Variants in GUCY1A2 observed in about 807,000 individuals in gnomAD.
GUCY1A2 encodes the protein guanylate cyclase soluble subunit alpha-2.
A neutral mutation model predicts 63.5 loss-of-function variants in GUCY1A2; 27 were observed. The observed-to-expected ratio is 0.43, with a 90% confidence interval of 0.31 to 0.59. GUCY1A2 has a LOEUF of 0.59. Among genes scored for constraint, GUCY1A2 ranks in the 20% least tolerant of loss-of-function variants. The probability of loss-of-function intolerance (pLI) is 0.11; values close to 1 mark genes in which losing one functional copy is unlikely to be tolerated. For synonymous variants in GUCY1A2, 364 were observed against 343.5 expected, an observed-to-expected ratio of 1.06 and a Z score of -0.66; for missense variants, 768 against 913.3, an observed-to-expected ratio of 0.84 and a Z score of 2.05.
At chr11:106,957,842 G>C (rs1178956412) in intron 3 of GUCY1A2, among the ~76,000 whole-genome samples, 1 of 129,778 alleles carries the variant, frequency 7.7e-6, no homozygotes, top group Non-Finnish European at 1.6e-5. Context: ...TCCAGTCTGA[G>C]CAAAGGGACA....
chr11:106,978,277 T>C (rs1861289006), intron 3 of GUCY1A2, among the ~76,000 whole-genome samples: 1 of 152,072 alleles, frequency 6.6e-6, no homozygotes, highest in Non-Finnish European at 1.5e-5. Flanking sequence ...TAATAGAGTA[T>C]GACTGAGAGG....
intron 4 of GUCY1A2, among the ~76,000 whole-genome samples, chr11:106,868,306 A>G (rs995519736): frequency 1.3e-5 from 2 of 152,126 alleles, no homozygotes; most frequent in African/African-American, 4.8e-5. Context: ...GGCAAAGAGG[A>G]AGTCAAATTG....
At chr11:106,726,612 A>AAGTGGT (rs1467715309) in intron 6 of GUCY1A2, among the ~76,000 whole-genome samples, 1 of 152,136 alleles carries the variant, frequency 6.6e-6, no homozygotes, top group Non-Finnish European at 1.5e-5. Flanking sequence ...AGTGACATTT[A>AAGTGGT]AGTGGTAATG....
At chr11:106,729,007 CA>C (rs1247948637) in intron 6 of GUCY1A2, among the ~76,000 whole-genome samples, 1 of 152,004 alleles carries the variant, frequency 6.6e-6, no homozygotes, top group African/African-American at 2.4e-5. Flanking sequence ...ATTCATTCAC[CA>C]AATATTTGTT....
chr11:106,807,832 CT>C (rs2135422884), intron 5 of GUCY1A2, among the ~76,000 whole-genome samples: 1 of 152,288 alleles, frequency 6.6e-6, no homozygotes, highest in East Asian at 1.9e-4. Context: ...TGGCCTTCAT[CT>C]TTCTTTTGTG....
At chr11:106,730,059 AATATATATATATATAT>A (rs60486225) in intron 6 of GUCY1A2, among the ~76,000 whole-genome samples, 28 of 103,356 alleles carry the variant, frequency 2.7e-4, no homozygotes, top group East Asian at 5.1e-4. Flanking sequence ...ATCAGCATGG[AATATATATATATATAT>A]ATATATATAT....
At chr11:106,940,294 T>C (rs367615414) in intron 3 of GUCY1A2, 116 bp from the exon 4 acceptor site, 11 of 571,190 alleles carry the variant, frequency 1.9e-5, no homozygotes, top group East Asian at 1.4e-4. Flanking sequence ...AGGTTATTTC[T>C]CTTAGATCCA....
chr11:106,811,064 G>C (rs550060508), intron 4 of GUCY1A2, among the ~76,000 whole-genome samples: 1 of 151,950 alleles, frequency 6.6e-6, no homozygotes, highest in East Asian at 1.9e-4. Flanking sequence ...TATTAAGCTA[G>C]CATTATCAGA....
intron 4 of GUCY1A2, among the ~76,000 whole-genome samples, chr11:106,904,797 T>C (rs1011097744): frequency 6.6e-6 from 1 of 151,872 alleles, no homozygotes; most frequent in Non-Finnish European, 1.5e-5. Flanking sequence ...AAACATCAGA[T>C]TGCTATGACA....
intron 6 of GUCY1A2, among the ~76,000 whole-genome samples, chr11:106,742,370 G>A (rs1040858724): frequency 1.3e-5 from 2 of 152,064 alleles, no homozygotes; most frequent in African/African-American, 4.8e-5. Context: ...GCCCCACTGT[G>A]GGTTGTTCCC....
intron 5 of GUCY1A2, among the ~76,000 whole-genome samples, chr11:106,788,391 G>A (rs913384654): frequency 6.6e-6 from 1 of 152,102 alleles, no homozygotes; most frequent in African/African-American, 2.4e-5. Flanking sequence ...TTTTTAACTT[G>A]ATGTGATCCC....
chr11:106,857,932 T>C (rs1340179564), intron 4 of GUCY1A2, among the ~76,000 whole-genome samples: 1 of 152,108 alleles, frequency 6.6e-6, no homozygotes, highest in Non-Finnish European at 1.5e-5. Flanking sequence ...CTGTCAGGGA[T>C]CCTGGAACAA....
At chr11:106,948,316 G>A (rs944521152) in intron 3 of GUCY1A2, among the ~76,000 whole-genome samples, 1 of 152,026 alleles carries the variant, frequency 6.6e-6, no homozygotes, top group South Asian at 2.1e-4. Context: ...AGAATCTAGC[G>A]ATTTATAAAA....
chr11:107,000,754 G>T (rs1861602874), intron 1 of GUCY1A2, among the ~76,000 whole-genome samples: 1 of 152,106 alleles, frequency 6.6e-6, no homozygotes. Context: ...AACACAATTT[G>T]TAAGACTCTC....
chr11:106,822,346 GTTTA>G (rs1177270020), intron 4 of GUCY1A2, among the ~76,000 whole-genome samples: 1 of 151,922 alleles, frequency 6.6e-6, no homozygotes, highest in Non-Finnish European at 1.5e-5. Context: ...CACTATTATT[GTTTA>G]TTTATTTTTC....
chr11:106,818,704 C>T (rs929800522), intron 4 of GUCY1A2, among the ~76,000 whole-genome samples: 1 of 151,900 alleles, frequency 6.6e-6, no homozygotes, highest in Non-Finnish European at 1.5e-5. Flanking sequence ...AGCCAAGTTG[C>T]GAATGAAAAT....
chr11:107,004,534 C>G (rs989674285), intron 1 of GUCY1A2, among the ~76,000 whole-genome samples: 2 of 151,920 alleles, frequency 1.3e-5, no homozygotes, highest in Non-Finnish European at 2.9e-5. Flanking sequence ...ATATAAAGAC[C>G]CTACCTCTAG....
At chr11:106,833,958 T>G (rs1029589517) in intron 4 of GUCY1A2, among the ~76,000 whole-genome samples, 6 of 151,996 alleles carry the variant, frequency 3.9e-5, no homozygotes, top group African/African-American at 1.4e-4. Context: ...ATTAAAAATT[T>G]TATATATTCA....
At chr11:106,697,453 T>C (rs1389410955) in intron 7 of GUCY1A2, among the ~76,000 whole-genome samples, 3 of 152,198 alleles carry the variant, frequency 2.0e-5, no homozygotes, top group African/African-American at 7.2e-5. Context: ...AATATTAAAA[T>C]GTATTTAAAT....
Sources: allele counts gnomAD v4.1 joint callset (sites outside exome capture counted in the v4.1 genomes callset), GRCh38; gene constraint gnomAD v4.1.1; transcripts MANE v1.5; gene names NCBI Gene and HGNC (gene_info 2026-07-23, HGNC 2026-07-21).